The following FAT4 variants were observed in gnomAD, a reference collection of about 807,000 sequenced individuals.
FAT4 encodes protocadherin Fat 4.
Under a neutral mutation model 303.9 loss-of-function variants are expected in FAT4, and 84 were observed. The ratio of observed to expected loss-of-function variants is 0.28; its 90% CI spans 0.23 to 0.33. The LOEUF (loss-of-function observed/expected upper bound fraction) is 0.33. Ranked by LOEUF, FAT4 falls within the 10% of genes least tolerant of loss-of-function variation. FAT4 has a pLI of 1.00. For synonymous variants in FAT4, 2,307 were observed against 2,298.8 expected, an observed-to-expected ratio of 1.00 and a Z score of -0.10; for missense variants, 6,005 against 6,146.8, an observed-to-expected ratio of 0.98 and a Z score of 0.77.
intron 2 of FAT4, among the ~76,000 whole-genome samples, chr4:125,356,462 A>G (rs1192144229): frequency 6.6e-6 from 1 of 151,844 alleles, no homozygotes; most frequent in African/African-American, 2.4e-5. Flanking sequence ...AGCTAAAGAA[A>G]TATAAAAAGA....
chr4:125,463,382 A>G (rs1454239235), intron 10 of FAT4, among the ~76,000 whole-genome samples, 181 bp from the exon 11 acceptor site: 1 of 152,076 alleles, frequency 6.6e-6, no homozygotes, highest in African/African-American at 2.4e-5. Context: ...ACAATAGGAC[A>G]ACTAAACAAG....
At chr4:125,366,719 G>A (rs1422041749) in intron 2 of FAT4, among the ~76,000 whole-genome samples, 1 of 151,994 alleles carries the variant, frequency 6.6e-6, no homozygotes, top group African/African-American at 2.4e-5. Flanking sequence ...CCCACCTACG[G>A]TGTACACATG....
chr4:125,341,367 T>C (rs1237525663), intron 2 of FAT4, among the ~76,000 whole-genome samples: 1 of 152,096 alleles, frequency 6.6e-6, no homozygotes, highest in African/African-American at 2.4e-5. Flanking sequence ...ATACAAATGT[T>C]AGAGATTTGT....
chr4:125,464,907 C>G (rs1287222168), intron 11 of FAT4, among the ~76,000 whole-genome samples: 1 of 152,152 alleles, frequency 6.6e-6, no homozygotes, highest in Non-Finnish European at 1.5e-5. Context: ...TGGACCTGAA[C>G]AGTAAAGCTC....
chr4:125,319,445 A>T lies in FAT4; in HGVS notation c.3034A>T (p.Asn1012Tyr). ...CACCCTTTCTGAGTCAGAACCTGTG[A>T]ATTCTCGATTCTTTAAAGTACAAGC... ...EVTLSESEPV[N>Y]SRFFKVQASD... The change falls in exon 2 of 18, where the codon AAT (asparagine) becomes TAT (tyrosine). Residue 1012 changes from asparagine to tyrosine, a missense_variant. Transcript: ENST00000394329. 6.2e-7 allele frequency: 1 copy of T among 1,613,896 alleles called. No homozygotes were observed. Among genetic ancestry groups the T allele is most frequent in the Non-Finnish European group, 8.5e-7 (1 of 1,179,860 alleles).
chr4:125,398,744 C>T (rs901398653), intron 2 of FAT4, 40 bp from the exon 3 acceptor site: 2 of 1,606,288 alleles, frequency 1.2e-6, no homozygotes, highest in South Asian at 1.1e-5. Context: ...CTTGCAGACA[C>T]GTGGGAGTCA....
intron 15 of FAT4, 61 bp downstream of exon 15, chr4:125,479,926 G>T: frequency 7.5e-7 from 1 of 1,328,568 alleles, no homozygotes; most frequent in Non-Finnish European, 1.0e-6. Flanking sequence ...TAAAATATAT[G>T]CACCCAAGTA....
intron 2 of FAT4, among the ~76,000 whole-genome samples, chr4:125,357,225 G>A (rs1732465906): frequency 6.6e-6 from 1 of 152,074 alleles, no homozygotes; most frequent in South Asian, 2.1e-4. Flanking sequence ...GGAGTTATGA[G>A]AAATAATAGA....
At chr4:125,397,081 C>T (rs938308679) in intron 2 of FAT4, among the ~76,000 whole-genome samples, 4 of 151,800 alleles carry the variant, frequency 2.6e-5, no homozygotes, top group Admixed American at 6.6e-5. Context: ...TTTAAAAATA[C>T]CTTTTCTCAA....
intron 7 of FAT4, among the ~76,000 whole-genome samples, chr4:125,429,839 A>G (rs923785275): frequency 1.3e-5 from 2 of 152,224 alleles, no homozygotes; most frequent in East Asian, 1.9e-4. Flanking sequence ...GGGCAGTTGG[A>G]TCTGACAGCC....
intron 2 of FAT4, among the ~76,000 whole-genome samples, chr4:125,360,372 A>G (rs1732606673): frequency 6.6e-6 from 1 of 152,148 alleles, no homozygotes; most frequent in Non-Finnish European, 1.5e-5. Flanking sequence ...AAACATTTTC[A>G]TCACGTTTCC....
At chr4:125,423,424 C>T (rs1337953465) in intron 7 of FAT4, among the ~76,000 whole-genome samples, 3 of 152,200 alleles carry the variant, frequency 2.0e-5, no homozygotes, top group Non-Finnish European at 4.4e-5. Flanking sequence ...CAGGCTGTTG[C>T]TTCAGAGGGT....
At chr4:125,477,114 T>A in intron 13 of FAT4, 41 bp from the exon 14 acceptor site, 1 of 1,294,532 alleles carries the variant, frequency 7.7e-7, no homozygotes, top group Non-Finnish European at 1.0e-6. Flanking sequence ...AAAAATGTAA[T>A]CTTTTGACAC....
rs146157250 is a variant in FAT4, at chr4:125,448,945, C to T, written c.7935C>T (p.Asp2645=). The T allele has an allele frequency of 1.1e-3, 1,837 of 1,613,590 alleles. 10 individuals are homozygous for T. Among genetic ancestry groups the T allele is most frequent in the Middle Eastern group, 5.4e-3 (33 of 6,062 alleles). Residue 2645 remains aspartate, a synonymous_variant, in exon 10 of 18, where the codon GAC becomes GAT. Coordinates refer to ENST00000394329, the MANE Select transcript of FAT4 (RefSeq NM_001291303.3). ...QKYVVWIEAR[D]GGFPPFSSYE... ...ATGTTGTATGGATAGAGGCCAGAGA[C>T]GGTGGTTTCCCTCCTTTCTCCTCTT...
Position 125,416,472 on chromosome 4 carries a change from G to A in FAT4, c.6868G>A (p.Gly2290Arg). The A allele has an allele frequency of 6.2e-7, 1 of 1,613,630 alleles. No homozygotes were observed. Among genetic ancestry groups the A allele is most frequent in the Middle Eastern group, 1.7e-4 (1 of 6,056 alleles). ...LQVVARDDDR[G>R]SNSKLSYVLF... is the part of the protein sequence containing the mutation. ...GGTGGTGGCAAGAGATGATGATCGA[G>A]GATCTAACAGCAAACTCTCATATGT... The change falls in exon 7 of 18, where the codon GGA becomes AGA. Residue 2290 changes from glycine (G) to arginine (R), a missense_variant. Gly to Arg is a moderately radical substitution (Grantham distance 125, BLOSUM62 -2). Coordinates refer to ENST00000394329, the MANE Select transcript of FAT4 (RefSeq NM_001291303.3).
At chr4:125,335,164 C>A (rs1237864830) in intron 2 of FAT4, among the ~76,000 whole-genome samples, 2 of 152,138 alleles carry the variant, frequency 1.3e-5, no homozygotes, top group Non-Finnish European at 2.9e-5. Flanking sequence ...TCAAACTGAA[C>A]ACAGATGGCT....
intron 5 of FAT4, among the ~76,000 whole-genome samples, chr4:125,409,461 G>C (rs1198550497): frequency 6.6e-6 from 1 of 151,996 alleles, no homozygotes; most frequent in Non-Finnish European, 1.5e-5. Flanking sequence ...TCTCCATGTT[G>C]GTCAGGCTAA....
intron 2 of FAT4, among the ~76,000 whole-genome samples, chr4:125,396,235 T>C (rs908402535): frequency 3.3e-5 from 5 of 152,144 alleles, no homozygotes; most frequent in African/African-American, 4.8e-5. Context: ...TCTTAGGTCA[T>C]AGGGCTCTGC....
In FAT4 at chr4:125,451,135, A is replaced by G. The variant is rs972281797; in HGVS notation, c.10125A>G (p.Val3375=). Residue 3375 remains valine, a synonymous_variant, in exon 10 of 18, where the codon GTA becomes GTG. Coordinates refer to ENST00000394329, the MANE Select transcript of FAT4 (RefSeq NM_001291303.3). ...REKEERVSLK[V]LAKNFGSIRG... Reference sequence around the variant, plus strand: ...AAGAAGAAAGGGTGTCTTTGAAGGTATTGGCCAAGAACTTTGGCAGCATTA... The same window carrying G: ...AAGAAGAAAGGGTGTCTTTGAAGGTGTTGGCCAAGAACTTTGGCAGCATTA... 7 of 1,614,040 alleles carry G rather than the reference A, an allele frequency of 4.3e-6. No individual in the cohort carries two copies. Among genetic ancestry groups the G allele is most frequent in the Admixed American group, 3.3e-5 (2 of 60,002 alleles).
Sources: allele counts gnomAD v4.1 joint callset (sites outside exome capture counted in the v4.1 genomes callset), GRCh38; gene constraint gnomAD v4.1.1; transcripts MANE v1.5; gene names NCBI Gene and HGNC (gene_info 2026-07-23, HGNC 2026-07-21).